CDH13: variants seen among roughly 807,000 people sequenced by gnomAD.
CDH13 encodes the protein cadherin-13.
CDH13 carries 24 observed loss-of-function variants against 63.8 expected under a neutral mutation model. The observed-to-expected ratio is 0.38, with a 90% CI of 0.27 to 0.53. The LOEUF (loss-of-function observed/expected upper bound fraction) is 0.53. Among genes scored for constraint, CDH13 ranks in the 20% least tolerant of loss-of-function variants. The pLI, the probability that CDH13 is intolerant of heterozygous loss-of-function variation, is 0.85. For synonymous variants in CDH13, 503 were observed against 355.3 expected, an observed-to-expected ratio of 1.42 and a Z score of -4.67; for missense variants, 1,049 against 903.1, an observed-to-expected ratio of 1.16 and a Z score of -2.07.
intron 3 of CDH13, among the ~76,000 whole-genome samples, chr16:83,117,460 C>T (rs1354815672): frequency 6.6e-6 from 1 of 152,124 alleles, no homozygotes; most frequent in Non-Finnish European, 1.5e-5. Context: ...CACCCTCTCC[C>T]CCTGAGCACT....
At chr16:82,713,561 A>T (rs1564021) in intron 1 of CDH13, among the ~76,000 whole-genome samples, 51,850 of 151,852 alleles carry the variant, frequency 0.34, 9,086 homozygotes, top group Middle Eastern at 0.42. Flanking sequence ...AAGAGTACGG[A>T]CTCAGAGGTT....
At chr16:83,578,446 G>C (rs1905240563) in intron 7 of CDH13, among the ~76,000 whole-genome samples, 1 of 152,150 alleles carries the variant, frequency 6.6e-6, no homozygotes, top group African/African-American at 2.4e-5. Context: ...ATGCTACAGG[G>C]AGACACAAAT....
intron 2 of CDH13, among the ~76,000 whole-genome samples, chr16:82,872,572 A>G (rs2040376521): frequency 6.6e-6 from 1 of 152,346 alleles, no homozygotes; most frequent in South Asian, 2.1e-4. Flanking sequence ...AGTTCTTATT[A>G]TTCTGTTACA....
chr16:82,778,303 A>G (rs1567523847), intron 1 of CDH13, among the ~76,000 whole-genome samples: 1 of 152,106 alleles, frequency 6.6e-6, no homozygotes, highest in Non-Finnish European at 1.5e-5. Context: ...TTATTAGTCA[A>G]ATTGTGCTGG....
At chr16:82,900,504 A>T (rs1278459537) in intron 2 of CDH13, among the ~76,000 whole-genome samples, 1 of 152,228 alleles carries the variant, frequency 6.6e-6, no homozygotes, top group African/African-American at 2.4e-5. Flanking sequence ...GCAAGAGATA[A>T]GAAATAACTT....
At chr16:83,771,307 A>C (rs1465150338) in intron 11 of CDH13, among the ~76,000 whole-genome samples, 1 of 152,232 alleles carries the variant, frequency 6.6e-6, no homozygotes, top group Non-Finnish European at 1.5e-5. Flanking sequence ...CAGGTGGCCA[A>C]CTTGGCCATC....
chr16:82,863,088 A>G (rs1399486426), intron 2 of CDH13, among the ~76,000 whole-genome samples: 1 of 152,214 alleles, frequency 6.6e-6, no homozygotes, highest in African/African-American at 2.4e-5. Context: ...ACACATGGGT[A>G]TCGATGCAGG....
At chr16:83,148,519 T>C (rs2151689965) in intron 4 of CDH13, among the ~76,000 whole-genome samples, 1 of 152,338 alleles carries the variant, frequency 6.6e-6, no homozygotes, top group South Asian at 2.1e-4. Context: ...TCAATGTACG[T>C]AATGCCTCTG....
intron 3 of CDH13, among the ~76,000 whole-genome samples, chr16:83,057,485 G>A (rs1272119308): frequency 6.6e-6 from 1 of 151,900 alleles, no homozygotes; most frequent in Non-Finnish European, 1.5e-5. Flanking sequence ...TACATGTTAT[G>A]CTTTAATTAG....
intron 8 of CDH13, among the ~76,000 whole-genome samples, chr16:83,627,467 T>C (rs1319382460): frequency 1.3e-5 from 2 of 152,152 alleles, no homozygotes; most frequent in Non-Finnish European, 2.9e-5. Context: ...TTGCAAAACT[T>C]TCTGGGGACT....
chr16:83,272,615 G>C (rs553172486), intron 5 of CDH13, among the ~76,000 whole-genome samples: 1 of 152,242 alleles, frequency 6.6e-6, no homozygotes, highest in African/African-American at 2.4e-5. Flanking sequence ...AGACCCACCA[G>C]GCTGCAGAGA....
chr16:83,588,409 T>G (rs1906387309), intron 7 of CDH13, among the ~76,000 whole-genome samples: 2 of 152,096 alleles, frequency 1.3e-5, no homozygotes, highest in Admixed American at 1.3e-4. Flanking sequence ...TTACTGAGAG[T>G]GACTGAGAGT....
chr16:83,350,031 C>T (rs767391709), intron 6 of CDH13, among the ~76,000 whole-genome samples: 40 of 152,200 alleles, frequency 2.6e-4, no homozygotes, highest in Non-Finnish European at 4.6e-4. Flanking sequence ...GCTAGAATAT[C>T]TACTCCCCCA....
intron 5 of CDH13, among the ~76,000 whole-genome samples, chr16:83,236,944 A>G (rs757896196): frequency 5.1e-4 from 77 of 152,062 alleles, no homozygotes; most frequent in Non-Finnish European, 9.3e-4. Context: ...AATGTTTCAT[A>G]TGTGAGTTTC....
Position 83,382,174 on chromosome 16 carries a change from G to C in CDH13, c.781+37168G>C, listed in dbSNP as rs373901334. Among the ~76,000 whole-genome samples the C allele has an allele frequency of 5.9e-5, 9 of 152,240 alleles. No individual in the cohort carries two copies. The South Asian group carries it at 1.2e-3, about 21-fold the overall frequency. On this transcript the variant is annotated intron_variant, in intron 6 of 13. Coordinates refer to ENST00000567109, the MANE Select transcript of CDH13 (RefSeq NM_001257.5). Reference sequence around the variant, plus strand: ...GAAGGATACTAATTCCTCCACCATAGGGATGATTTGAGGACAGCACTGACT... The same window carrying C: ...GAAGGATACTAATTCCTCCACCATACGGATGATTTGAGGACAGCACTGACT...
chr16:83,188,840 G>A (rs896236419), intron 4 of CDH13, among the ~76,000 whole-genome samples: 12 of 152,024 alleles, frequency 7.9e-5, no homozygotes, highest in South Asian at 2.1e-4. Context: ...GCTGCTTGTC[G>A]CCTTGCCTTC....
chr16:82,656,721 C>G (rs778708425), intron 1 of CDH13, among the ~76,000 whole-genome samples: 5 of 152,134 alleles, frequency 3.3e-5, no homozygotes, highest in Non-Finnish European at 7.4e-5. Context: ...AAAATACTTG[C>G]TCTGCCTATT....
intron 4 of CDH13, among the ~76,000 whole-genome samples, chr16:83,129,229 C>G (rs995049870): frequency 6.6e-6 from 1 of 152,054 alleles, no homozygotes; most frequent in Non-Finnish European, 1.5e-5. Context: ...AACACCACCA[C>G]GCTCCCAAAA....
rs115971566 is a variant in CDH13 at position 83,056,223 on chromosome 16, G to A, written c.366+24005G>A. On this transcript the variant is annotated intron_variant, in intron 3 of 13. Transcript: ENST00000567109. The stretch of plus-strand genomic sequence containing the variant: ...TTAAAAAGTAAGTATAATAACAATA[G>A]CAAGGACGTGTGGCAATCAGAATTC... Among the ~76,000 whole-genome samples, 711 of 152,240 alleles carry A rather than the reference G, an allele frequency of 4.7e-3. 3 individuals are homozygous for A. The highest frequency in any genetic ancestry group is 0.017 in the African/African-American group (686 of 41,554).
Sources: gnomAD v4.1 joint callset for allele counts (sites outside exome capture counted in the v4.1 genomes callset) on GRCh38, gnomAD v4.1.1 for gene constraint, MANE v1.5 for transcripts, NCBI Gene and HGNC (gene_info 2026-07-23, HGNC 2026-07-21) for gene names.